NTRK3: variants seen among roughly 807,000 people sequenced by gnomAD.
The protein encoded by NTRK3 is neurotrophic receptor tyrosine kinase 3, also known as NT-3 growth factor receptor.
NTRK3 carries 24 observed loss-of-function variants against 91.7 expected under a neutral mutation model. The observed-to-expected ratio is 0.26, with a 90% CI of 0.19 to 0.37. NTRK3 has a LOEUF of 0.37. Ranked by LOEUF, NTRK3 falls within the 10% of genes least tolerant of loss-of-function variation. The probability of loss-of-function intolerance (pLI) is 1.00; values close to 1 mark genes in which losing one functional copy is unlikely to be tolerated. For missense variants in NTRK3, 880 were observed against 1,068.9 expected, an observed-to-expected ratio of 0.82 and a Z score of 2.46; for synonymous variants, 483 against 404.0, an observed-to-expected ratio of 1.20 and a Z score of -2.34.
intron 14 of NTRK3, among the ~76,000 whole-genome samples, chr15:87,991,942 C>G (rs971733440): frequency 4.1e-4 from 62 of 151,284 alleles, no homozygotes; most frequent in African/African-American, 1.5e-3. Context: ...ATTTTAAAGG[C>G]ACCCAGGTCA....
At chr15:88,246,712 C>T (rs1333885995) in intron 3 of NTRK3, among the ~76,000 whole-genome samples, 3 of 152,186 alleles carry the variant, frequency 2.0e-5, no homozygotes, top group Non-Finnish European at 4.4e-5. Context: ...CCAATGCACT[C>T]GCCCAGCCAC....
chr15:87,979,153 G>T, intron 14 of NTRK3: 1 of 633,150 alleles, frequency 1.6e-6, no homozygotes. Context: ...GGAGGGAAGG[G>T]GCAACCCTGC....
At chr15:88,209,161 G>A (rs149546000) in intron 3 of NTRK3, among the ~76,000 whole-genome samples, 318 of 152,336 alleles carry the variant, frequency 2.1e-3, no homozygotes, top group Non-Finnish European at 3.5e-3. Context: ...AGACAGTGAC[G>A]AAGAGGTAGT....
chr15:88,251,515 G>A (rs754561096), intron 3 of NTRK3, among the ~76,000 whole-genome samples: 4 of 152,260 alleles, frequency 2.6e-5, no homozygotes, highest in Non-Finnish European at 5.9e-5. Context: ...GCCCCGAGGG[G>A]AGGCTGGAGA....
chr15:88,088,916 G>C (rs1295830363), intron 13 of NTRK3, among the ~76,000 whole-genome samples: 2 of 152,086 alleles, frequency 1.3e-5, no homozygotes, highest in African/African-American at 2.4e-5. Flanking sequence ...GTATAAAATG[G>C]AACTAAAAAT....
Position 87,929,173 on chromosome 15 carries a change from C to T in NTRK3, c.2133+18G>A, listed in dbSNP as rs763785090. On this transcript the variant is annotated intron_variant, in intron 17 of 18. Transcript: ENST00000394480. Reference sequence around the variant, plus strand: ...CTAGCTCTGTGGCTGAGTCCTGCAGCTGGGAAAGTCACTTTACCCTGTAAT... The same window carrying T: ...CTAGCTCTGTGGCTGAGTCCTGCAGTTGGGAAAGTCACTTTACCCTGTAAT... 1.2e-6 allele frequency: 2 copies of T among 1,614,050 alleles called. No homozygotes were observed. Among genetic ancestry groups the T allele is most frequent in the East Asian group, 4.5e-5 (2 of 44,886 alleles).
intron 13 of NTRK3, among the ~76,000 whole-genome samples, chr15:88,084,117 T>C (rs2048297770): frequency 1.3e-5 from 2 of 151,050 alleles, no homozygotes; most frequent in African/African-American, 2.4e-5. Flanking sequence ...CTTAAAACTC[T>C]GGGGTTTTTT....
chr15:88,138,408 T>A (rs1207697930), intron 6 of NTRK3, among the ~76,000 whole-genome samples: 1 of 152,136 alleles, frequency 6.6e-6, no homozygotes, highest in Non-Finnish European at 1.5e-5. Flanking sequence ...AGACTCTGTC[T>A]CAAGAAAAAA....
intron 13 of NTRK3, among the ~76,000 whole-genome samples, chr15:88,065,948 G>A (rs981631477): frequency 1.3e-5 from 2 of 152,058 alleles, no homozygotes; most frequent in Admixed American, 6.5e-5. Flanking sequence ...AGTTGACTTT[G>A]CCAAAATGGC....
In NTRK3 at chr15:88,129,966, T is replaced by G. The variant is rs2053646925; in HGVS notation, c.1205-1232A>C. ...TGGTTGATGTCCTTATAAGAGGAAA[T>G]TTGAACGTCAACACACACGCACAGA... is the stretch of plus-strand genomic sequence containing the variant. On this transcript the variant is annotated intron_variant, in intron 10 of 18. Coordinates refer to ENST00000394480, the Ensembl canonical transcript of NTRK3. Among the ~76,000 whole-genome samples the G allele has an allele frequency of 3.9e-5, 6 of 152,130 alleles. 1 individual carries two copies. Among genetic ancestry groups the G allele is most frequent in the Admixed American group, 3.9e-4 (6 of 15,266 alleles).
At position 88,234,933 on chromosome 15, in the gene NTRK3, C is replaced by G. The variant is rs1011587520; in HGVS notation, c.248+20973G>C. Among the ~76,000 whole-genome samples the G allele has an allele frequency of 6.6e-6, 1 of 152,164 alleles. No individual in the cohort carries two copies. The highest frequency in any genetic ancestry group is 2.4e-5 in the African/African-American group (1 of 41,450). On this transcript the variant is annotated intron_variant, in intron 3 of 18. Transcript: ENST00000394480. This position sits in a 1 kb window ranked among gnomAD's most constrained non-coding sequence, Gnocchi z 6.1. ...CCGACACACTTCCAGCCCCTTCCAA[C>G]CTGAGAGGCGTTGCACTGGCTACGC...
intron 14 of NTRK3, among the ~76,000 whole-genome samples, chr15:87,968,257 A>G (rs1397151088): frequency 6.6e-6 from 1 of 152,226 alleles, no homozygotes; most frequent in Non-Finnish European, 1.5e-5. Flanking sequence ...GATATAACCC[A>G]CAGAAACAAA....
intron 18 of NTRK3, among the ~76,000 whole-genome samples, chr15:87,879,973 T>G (rs992151501): frequency 5.9e-5 from 9 of 152,176 alleles, no homozygotes; most frequent in African/African-American, 2.2e-4. Context: ...CTGTTCTGTT[T>G]TCCTTTTTTG....
At chr15:88,068,802 C>T (rs573971770) in intron 13 of NTRK3, among the ~76,000 whole-genome samples, 4 of 151,778 alleles carry the variant, frequency 2.6e-5, no homozygotes, top group Non-Finnish European at 5.9e-5. Flanking sequence ...GATTTTGGGG[C>T]TCCAGGGAGA....
At chr15:88,053,360 C>T (rs1046840748) in intron 13 of NTRK3, among the ~76,000 whole-genome samples, 5 of 152,214 alleles carry the variant, frequency 3.3e-5, no homozygotes, top group Admixed American at 3.3e-4. Flanking sequence ...CTCATACCTA[C>T]TAAATAGAAG....
rs1359392061 is a variant in NTRK3, at chr15:87,916,517, T to G, written c.2133+12674A>C. ...CTCAGAATTTTCTTATGGGGCATCT[T>G]CCCCGTCTTTTTTCCCCAGTATCAG... is the stretch of plus-strand genomic sequence containing the variant. On this transcript the variant is annotated intron_variant, in intron 17 of 18. Transcript: ENST00000394480. The G allele has an allele frequency of 4.3e-6, 3 of 702,254 alleles. No homozygotes were observed. The East Asian group carries it at 8.1e-5, about 19-fold the overall frequency. The allele number at this position is 702,254 out of a possible 1,614,324, so 43.5% of individuals were successfully genotyped here. A position where few individuals can be genotyped will look rare whatever the true frequency, so the allele number is the denominator to read the frequency against.
intron 15 of NTRK3, among the ~76,000 whole-genome samples, chr15:87,935,999 C>T (rs1339870261): frequency 1.3e-5 from 2 of 152,188 alleles, no homozygotes; most frequent in Non-Finnish European, 2.9e-5. Context: ...CTGCCAGTGG[C>T]CCTGTCCCCA....
chr15:87,876,932 C>G (rs769442648), exon 19 of NTRK3: 1 of 1,613,878 alleles, frequency 6.2e-7, no homozygotes, highest in South Asian at 1.1e-5. Flanking sequence ...CCACCAGCCA[C>G]CACTAGCCAA....
chr15:88,217,900 A>G (rs1324150686), intron 3 of NTRK3, among the ~76,000 whole-genome samples: 7 of 152,048 alleles, frequency 4.6e-5, no homozygotes, highest in African/African-American at 1.5e-4. Context: ...CTGGGACTAC[A>G]GGCGCCCGCC....
Sources: allele counts gnomAD v4.1 joint callset (sites outside exome capture counted in the v4.1 genomes callset), GRCh38; gene constraint gnomAD v4.1.1; non-coding constraint Gnocchi (gnomAD v3.1); transcripts MANE v1.5; gene names NCBI Gene and HGNC (gene_info 2026-07-23, HGNC 2026-07-21).